MTCL2: variants seen among roughly 807,000 people sequenced by gnomAD.
The protein encoded by MTCL2 is microtubule crosslinking factor 2.
chr20:36,828,252 G>A, the MTCL2 span, among the ~76,000 whole-genome samples: 1 of 152,192 alleles, frequency 6.6e-6, no homozygotes, highest in African/African-American at 2.4e-5. Context: ...CAGCCTTTAA[G>A]GGACACCTAG....
At chr20:36,860,602 A>G in the MTCL2 span, among the ~76,000 whole-genome samples, 67,086 of 151,978 alleles carry the variant, frequency 0.44, 15,746 homozygotes, top group Middle Eastern at 0.65. Flanking sequence ...ACATGGAAAC[A>G]TGTCCCGTGC....
the MTCL2 span, chr20:36,810,087 C>T: frequency 6.3e-7 from 1 of 1,598,054 alleles, no homozygotes; most frequent in Non-Finnish European, 8.5e-7. Context: ...CCTCAGCCAG[C>T]ACCAGCTGCA....
chr20:36,863,312 C>T, the MTCL2 span: 5 of 1,183,638 alleles, frequency 4.2e-6, no homozygotes, highest in Non-Finnish European at 5.2e-6. This position sits in a 1 kb window ranked among gnomAD's most constrained non-coding sequence, Gnocchi z 6.2. Context: ...GACCGCAGCC[C>T]CGGACCGGGG....
At chr20:36,839,183 T>C in the MTCL2 span, 1 of 1,566,848 alleles carries the variant, frequency 6.4e-7, no homozygotes, top group South Asian at 1.1e-5. This position sits in a 1 kb window ranked among gnomAD's most constrained non-coding sequence, Gnocchi z 5.1. Flanking sequence ...TGTGGTCCCA[T>C]CCCAGCAACA....
the MTCL2 span, chr20:36,804,959 C>A: frequency 1.3e-6 from 2 of 1,581,526 alleles, no homozygotes; most frequent in Non-Finnish European, 8.6e-7. Flanking sequence ...GGAGGGGAAC[C>A]TGGGTTCAGA....
At chr20:36,794,330 C>T in the MTCL2 span, 6 of 1,576,922 alleles carry the variant, frequency 3.8e-6, no homozygotes, top group African/African-American at 4.1e-5. The surrounding 1 kb of genome is among the most constrained non-coding windows in gnomAD (Gnocchi z 5.4). Flanking sequence ...ATAGTAGACT[C>T]GGATGCCCGT....
At chr20:36,858,463 AACACACACACACACACACACACAC>A in the MTCL2 span, among the ~76,000 whole-genome samples, 35 of 25,802 alleles carry the variant, frequency 1.4e-3, 1 homozygote, top group South Asian at 4.2e-3. Context: ...AAGGAGGGAA[AACACACACACACACACACACACAC>A]ACACACACAC....
chr20:36,815,263 A>C, the MTCL2 span: 1 of 1,613,848 alleles, frequency 6.2e-7, no homozygotes, highest in African/African-American at 1.3e-5. This position sits in a 1 kb window ranked among gnomAD's most constrained non-coding sequence, Gnocchi z 5.3. Flanking sequence ...TTCCGCGTGA[A>C]GGCATTCAGC....
chr20:36,800,818 C>A, the MTCL2 span, among the ~76,000 whole-genome samples: 3 of 152,144 alleles, frequency 2.0e-5, no homozygotes, highest in Admixed American at 6.5e-5. Context: ...CAGGAACTGG[C>A]AAAGATAAAG....
chr20:36,860,282 T>G, the MTCL2 span, among the ~76,000 whole-genome samples: 1 of 152,182 alleles, frequency 6.6e-6, no homozygotes, highest in Non-Finnish European at 1.5e-5. Flanking sequence ...TCAGCCTCCC[T>G]GTGCACCCCA....
the MTCL2 span, among the ~76,000 whole-genome samples, chr20:36,840,277 G>A: frequency 5.5e-3 from 826 of 149,656 alleles, 10 homozygotes; most frequent in African/African-American, 0.018. Flanking sequence ...CCATTCTCCC[G>A]CCTCAGCCTC....
At chr20:36,808,354 G>A in the MTCL2 span, among the ~76,000 whole-genome samples, 18 of 141,632 alleles carry the variant, frequency 1.3e-4, no homozygotes, top group South Asian at 2.6e-3. Context: ...ACTCCATCTC[G>A]GAAAAAAAAA....
the MTCL2 span, among the ~76,000 whole-genome samples, chr20:36,814,844 G>A: frequency 1.3e-3 from 202 of 152,202 alleles, no homozygotes; most frequent in African/African-American, 4.6e-3. Flanking sequence ...CCGAGATTGC[G>A]CCACTGCATT....
At chr20:36,793,429 G>C in the MTCL2 span, 1 of 1,551,128 alleles carries the variant, frequency 6.4e-7, no homozygotes, top group African/African-American at 1.4e-5. This position sits in a 1 kb window ranked among gnomAD's most constrained non-coding sequence, Gnocchi z 6.8. Context: ...CTGGCTTCTT[G>C]GTGCCCTCCT....
the MTCL2 span, among the ~76,000 whole-genome samples, chr20:36,804,578 G>T: frequency 6.6e-6 from 1 of 152,176 alleles, no homozygotes; most frequent in African/African-American, 2.4e-5. Flanking sequence ...CTTGCTGTGT[G>T]ACTTTAGGCA....
At chr20:36,847,505 C>T in the MTCL2 span, among the ~76,000 whole-genome samples, 2 of 152,096 alleles carry the variant, frequency 1.3e-5, no homozygotes, top group African/African-American at 2.4e-5. Flanking sequence ...CCAGGGCAGA[C>T]CGTGGCACAG....
At chr20:36,832,062 G>A in the MTCL2 span, among the ~76,000 whole-genome samples, 4 of 152,332 alleles carry the variant, frequency 2.6e-5, no homozygotes, top group East Asian at 1.9e-4. Context: ...GCAGCGCAGC[G>A]TCAGGCACAC....
chr20:36,834,099 G>T, the MTCL2 span, among the ~76,000 whole-genome samples: 2 of 150,696 alleles, frequency 1.3e-5, no homozygotes, highest in Non-Finnish European at 2.9e-5. Context: ...GGAGGTGGAA[G>T]TTGCAGTGAG....
At chr20:36,832,351 C>T in the MTCL2 span, among the ~76,000 whole-genome samples, 2 of 152,332 alleles carry the variant, frequency 1.3e-5, no homozygotes, top group East Asian at 3.9e-4. Flanking sequence ...TGTCCTCCAC[C>T]TGGGGAGGCT....
Sources: allele counts gnomAD v4.1 joint callset (sites outside exome capture counted in the v4.1 genomes callset), GRCh38; gene constraint gnomAD v4.1.1; non-coding constraint Gnocchi (gnomAD v3.1); transcripts MANE v1.5; gene names NCBI Gene and HGNC (gene_info 2026-07-23, HGNC 2026-07-21).